NALCN: variants seen among roughly 807,000 people sequenced by gnomAD.
The protein encoded by NALCN is sodium leak channel NALCN.
NALCN carries 111 observed loss-of-function variants against 225.3 expected under a neutral mutation model. The ratio of observed to expected loss-of-function variants is 0.49; its 90% CI spans 0.42 to 0.58. NALCN has a LOEUF of 0.58. Ranked by LOEUF, NALCN falls within the 20% of genes least tolerant of loss-of-function variation. The pLI, the probability that NALCN is intolerant of heterozygous loss-of-function variation, is 0.00. For synonymous variants in NALCN, 764 were observed against 769.0 expected (o/e 0.99, Z 0.11); for missense variants, 1,378 against 2,202.4 (o/e 0.63, Z 7.49).
At chr13:101,311,316 T>A (rs995628873) in intron 7 of NALCN, among the ~76,000 whole-genome samples, 2,520 of 151,910 alleles carry the variant, frequency 0.017, 63 homozygotes, top group African/African-American at 0.057. Flanking sequence ...ACAGGGACAA[T>A]TTGACTTCCT....
At chr13:101,278,765 G>A (rs2043049584) in intron 10 of NALCN, among the ~76,000 whole-genome samples, 1 of 152,108 alleles carries the variant, frequency 6.6e-6, no homozygotes, top group Non-Finnish European at 1.5e-5. Context: ...CAACCTCTGC[G>A]AGGCACTTTC....
chr13:101,190,799 T>C (rs1437715238), intron 14 of NALCN, among the ~76,000 whole-genome samples: 2 of 152,224 alleles, frequency 1.3e-5, no homozygotes, highest in Middle Eastern at 3.2e-3. Context: ...TGTAATTTGT[T>C]TGATGTGAGT....
chr13:101,087,287 G>T (rs2033979520), intron 30 of NALCN, among the ~76,000 whole-genome samples: 1 of 152,030 alleles, frequency 6.6e-6, no homozygotes, highest in Admixed American at 6.5e-5. Context: ...TTACCTATGT[G>T]CCTTTGGGTA....
intron 7 of NALCN, among the ~76,000 whole-genome samples, chr13:101,309,717 T>C (rs1339961746): frequency 6.6e-6 from 1 of 152,220 alleles, no homozygotes; most frequent in Non-Finnish European, 1.5e-5. Context: ...TTTGTATTCT[T>C]GACAAGAATT....
intron 17 of NALCN, among the ~76,000 whole-genome samples, chr13:101,140,816 C>T (rs569455798): frequency 2.8e-4 from 42 of 152,228 alleles, no homozygotes; most frequent in African/African-American, 9.1e-4. Flanking sequence ...CCCGGCTACT[C>T]GGGAGGCTGA....
chr13:101,345,871 A>G (rs1191570449), intron 6 of NALCN, among the ~76,000 whole-genome samples: 1 of 145,560 alleles, frequency 6.9e-6, no homozygotes, highest in African/African-American at 2.5e-5. Flanking sequence ...TGATGAGGTT[A>G]ATAATATTTG....
intron 7 of NALCN, among the ~76,000 whole-genome samples, chr13:101,343,704 C>A (rs115427808): frequency 0.011 from 1,688 of 152,264 alleles, 33 homozygotes; most frequent in African/African-American, 0.038. Context: ...GCCTCCAAGG[C>A]AATTTCCTCC....
chr13:101,226,321 G>A (rs1241132702), intron 13 of NALCN, among the ~76,000 whole-genome samples: 1 of 152,146 alleles, frequency 6.6e-6, no homozygotes, highest in South Asian at 2.1e-4. Flanking sequence ...CCGAACCTGC[G>A]ATAAGCTCCC....
intron 22 of NALCN, among the ~76,000 whole-genome samples, chr13:101,107,104 A>G (rs943043629): frequency 7.2e-5 from 11 of 152,230 alleles, no homozygotes; most frequent in Non-Finnish European, 1.5e-4. Context: ...TTTTTACCAC[A>G]AAGGAACTAC....
intron 11 of NALCN, among the ~76,000 whole-genome samples, chr13:101,239,658 G>T (rs1395669245): frequency 3.3e-5 from 5 of 152,096 alleles, no homozygotes; most frequent in East Asian, 1.9e-4. Context: ...CAGGAAGGTG[G>T]TTAAGCACAT....
intron 12 of NALCN, among the ~76,000 whole-genome samples, chr13:101,234,878 C>T (rs1204665829): frequency 6.6e-6 from 1 of 151,322 alleles, no homozygotes; most frequent in African/African-American, 2.4e-5. Context: ...TATCTATCAT[C>T]TGTCTATCTA....
In NALCN at chr13:101,145,632, G is replaced by C. The variant is rs1231252285; in HGVS notation, c.1840-736C>G. Among the ~76,000 whole-genome samples, 42 of 152,162 alleles carry C rather than the reference G, an allele frequency of 2.8e-4. 1 individual carries two copies. Among genetic ancestry groups the C allele is most frequent in the Admixed American group, 2.8e-3 (42 of 15,264 alleles). ...TAAGATACTACAAAGGTGGACTGTG[G>C]CTTCCAGAATTCATGCTATACTTTC... is the stretch of plus-strand genomic sequence containing the variant. On this transcript the variant is annotated intron_variant, in intron 15 of 43. Coordinates refer to ENST00000251127, the MANE Select transcript of NALCN (RefSeq NM_052867.4).
intron 9 of NALCN, among the ~76,000 whole-genome samples, chr13:101,289,494 C>G (rs2043466882): frequency 6.7e-6 from 1 of 149,376 alleles, no homozygotes; most frequent in Non-Finnish European, 1.5e-5. Context: ...CCTAATATAA[C>G]AGAAAGCCCC....
chr13:101,073,527 G>T (rs1426002680), intron 37 of NALCN, 57 bp downstream of exon 37: 48 of 1,405,980 alleles, frequency 3.4e-5, no homozygotes, highest in Middle Eastern at 1.8e-4. Flanking sequence ...ACATTGTGTT[G>T]CAAGAGTTTC....
chr13:101,200,300 T>G (rs919429996), intron 13 of NALCN, among the ~76,000 whole-genome samples: 1 of 152,160 alleles, frequency 6.6e-6, no homozygotes, highest in Non-Finnish European at 1.5e-5. Context: ...CCTGAAGACA[T>G]CTTTGGTTCA....
In NALCN at chr13:101,308,645, G is replaced by A. The variant is rs77498378; in HGVS notation, c.800-16279C>T. Among the ~76,000 whole-genome samples, 1,504 of 152,166 alleles carry A rather than the reference G, an allele frequency of 9.9e-3. 33 individuals are homozygous for A. The highest frequency in any genetic ancestry group is 0.034 in the African/African-American group (1,395 of 41,512). ...AGACTCAAAGTAGCTATGGTCCGTG[G>A]GCCCAGTTCTCAGAAACGGCTGATG... On this transcript the variant is annotated intron_variant, in intron 7 of 43. Transcript: ENST00000251127.
At chr13:101,291,868 C>G in intron 9 of NALCN, 122 bp downstream of exon 9, 1 of 972,304 alleles carries the variant, frequency 1.0e-6, no homozygotes, top group Non-Finnish European at 1.6e-6. Context: ...TATTTTTAAA[C>G]AGCTTCCTGA....
chr13:101,322,566 T>C (rs766401981), intron 7 of NALCN, among the ~76,000 whole-genome samples: 1 of 152,222 alleles, frequency 6.6e-6, no homozygotes, highest in Non-Finnish European at 1.5e-5. Flanking sequence ...AAGTCTAATA[T>C]CGTAGCAGAA....
At chr13:101,323,389 C>G (rs773131999) in intron 7 of NALCN, among the ~76,000 whole-genome samples, 1 of 152,216 alleles carries the variant, frequency 6.6e-6, no homozygotes, top group Non-Finnish European at 1.5e-5. Flanking sequence ...TTGACATTAA[C>G]AAACAATCTG....
Sources: allele counts gnomAD v4.1 joint callset (sites outside exome capture counted in the v4.1 genomes callset), GRCh38; gene constraint gnomAD v4.1.1; transcripts MANE v1.5; gene names NCBI Gene and HGNC (gene_info 2026-07-23, HGNC 2026-07-21).